The following CNTNAP2 variants were observed in gnomAD, a reference collection of about 807,000 sequenced individuals.
CNTNAP2 encodes contactin-associated protein-like 2.
In CNTNAP2, 98 loss-of-function variants were observed where a neutral mutation model predicts 155.2. That is an observed-to-expected ratio of 0.63 (90% CI 0.54 to 0.75). The LOEUF is 0.75. Among genes scored for constraint, CNTNAP2 ranks in the 30% least tolerant of loss-of-function variants. The pLI is 0.00. For missense variants in CNTNAP2, 1,727 were observed against 1,688.1 expected (o/e 1.02, Z -0.40); for synonymous variants, 651 against 631.2 (o/e 1.03, Z -0.47).
intron 8 of CNTNAP2, among the ~76,000 whole-genome samples, chr7:147,262,250 G>T (rs765926642): frequency 6.6e-6 from 1 of 152,136 alleles, no homozygotes; most frequent in African/African-American, 2.4e-5. Flanking sequence ...ACTTGAATGC[G>T]GAAAGACAGA....
chr7:147,075,830 G>A (rs1477155111), intron 4 of CNTNAP2, among the ~76,000 whole-genome samples: 4 of 151,864 alleles, frequency 2.6e-5, no homozygotes, highest in Non-Finnish European at 5.9e-5. Flanking sequence ...CCCACCCTGT[G>A]TCCAAATATT....
At chr7:148,112,125 T>C (rs1437215030) in intron 15 of CNTNAP2, among the ~76,000 whole-genome samples, 1 of 152,172 alleles carries the variant, frequency 6.6e-6, no homozygotes, top group African/African-American at 2.4e-5. Context: ...TGGCCTGATG[T>C]GTGCAATGTT....
chr7:146,143,601 T>C (rs1048593412), intron 1 of CNTNAP2, among the ~76,000 whole-genome samples: 3 of 152,158 alleles, frequency 2.0e-5, no homozygotes, highest in African/African-American at 4.8e-5. Context: ...TCCTGTGGTA[T>C]TGAAATACTA....
intron 12 of CNTNAP2, among the ~76,000 whole-genome samples, chr7:147,594,519 G>T (rs925718371): frequency 6.6e-6 from 1 of 152,152 alleles, no homozygotes; most frequent in Admixed American, 6.5e-5. Context: ...CAGATATAAA[G>T]ATTTCTAAGT....
At chr7:147,547,155 A>C (rs1799751559) in intron 11 of CNTNAP2, among the ~76,000 whole-genome samples, 1 of 152,202 alleles carries the variant, frequency 6.6e-6, no homozygotes, top group Admixed American at 6.5e-5. Flanking sequence ...TCTGTCATAA[A>C]GTCATCTTCA....
Position 147,685,385 on chromosome 7 carries a change from A to G in CNTNAP2, c.2098+46079A>G, listed in dbSNP as rs151170942. Among the ~76,000 whole-genome samples the G allele has an allele frequency of 3.9e-3, 587 of 152,090 alleles. 1 individual carries two copies. Among genetic ancestry groups the G allele is most frequent in the Non-Finnish European group, 6.2e-3 (422 of 67,924 alleles). On this transcript the variant is annotated intron_variant, in intron 13 of 23. Coordinates refer to ENST00000361727, the MANE Select transcript of CNTNAP2 (RefSeq NM_014141.6). The stretch of plus-strand genomic sequence containing the variant: ...AGGGTTTCCAAGAGAAACAAGATGG[A>G]CTTGACTTCTCTTGGAAATATAACT...
intron 3 of CNTNAP2, among the ~76,000 whole-genome samples, chr7:147,025,784 C>A (rs1005223924): frequency 4.0e-5 from 6 of 151,586 alleles, no homozygotes; most frequent in Non-Finnish European, 7.4e-5. Context: ...TGTGTGTATA[C>A]ATTACACGTA....
At chr7:148,406,179 C>G (rs191408265) in intron 22 of CNTNAP2, among the ~76,000 whole-genome samples, 130 of 152,082 alleles carry the variant, frequency 8.5e-4, no homozygotes, top group African/African-American at 3.0e-3. Flanking sequence ...TTGCAGTGAG[C>G]TGAGATCGCG....
intron 4 of CNTNAP2, among the ~76,000 whole-genome samples, chr7:147,064,092 TTAAGTATAGCACTTCA>T (rs200099940): frequency 0.026 from 3,918 of 152,276 alleles, 87 homozygotes; most frequent in Non-Finnish European, 0.034. Flanking sequence ...CTAGTGGTTT[TTAAGTATAGCACTTCA>T]TAAGCCTTTT....
intron 1 of CNTNAP2, among the ~76,000 whole-genome samples, chr7:146,436,320 T>C (rs1796242979): frequency 1.3e-5 from 2 of 152,216 alleles, no homozygotes; most frequent in South Asian, 2.1e-4. Flanking sequence ...TATGCTCTTA[T>C]GTTCTTGCTA....
chr7:146,645,750 A>G (rs1309461522), intron 1 of CNTNAP2, among the ~76,000 whole-genome samples: 1 of 151,916 alleles, frequency 6.6e-6, no homozygotes, highest in Non-Finnish European at 1.5e-5. Flanking sequence ...CTGTGGAGTC[A>G]GGTCTCAACT....
At chr7:147,799,509 T>C (rs1797953623) in intron 13 of CNTNAP2, among the ~76,000 whole-genome samples, 1 of 152,174 alleles carries the variant, frequency 6.6e-6, no homozygotes, top group Non-Finnish European at 1.5e-5. Context: ...AGCTATTTGT[T>C]ATGTCTACAA....
intron 3 of CNTNAP2, among the ~76,000 whole-genome samples, chr7:147,022,077 C>T (rs1346183118): frequency 6.6e-6 from 1 of 151,984 alleles, no homozygotes; most frequent in East Asian, 1.9e-4. Context: ...GTCCTGTAGA[C>T]CCTATCTAGA....
chr7:146,660,530 T>G (rs1245860135), intron 1 of CNTNAP2, among the ~76,000 whole-genome samples: 1 of 152,236 alleles, frequency 6.6e-6, no homozygotes, highest in African/African-American at 2.4e-5. Context: ...GTAATGTGTA[T>G]AACAGCTATC....
At position 147,639,304 on chromosome 7, in the gene CNTNAP2, C is replaced by A. The variant is rs764412489; in HGVS notation, c.2096C>A (p.Pro699Gln). 2.0e-5 allele frequency: 32 copies of A among 1,613,604 alleles called. No homozygotes were observed. The Admixed American group carries it at 5.2e-4, about 26-fold the overall frequency. The change falls in exon 13 of 24, where the codon CCA (proline) becomes CAA (glutamine). Residue 699 changes from proline (P) to glutamine (Q), a missense_variant and splice_region_variant. Transcript: ENST00000361727. ...FCKMSRLLNTPDGSPYTWWVG... is the reference protein window; with the variant it reads ...FCKMSRLLNTQDGSPYTWWVG... Reference sequence around the variant, plus strand: ...AAGATGTCAAGATTGTTGAACACCCCAGGTAGGCTGAGAATGGAATGTTAC... The same window carrying A: ...AAGATGTCAAGATTGTTGAACACCCAAGGTAGGCTGAGAATGGAATGTTAC...
chr7:146,995,067 A>C (rs1038145173), intron 3 of CNTNAP2, among the ~76,000 whole-genome samples: 1 of 152,050 alleles, frequency 6.6e-6, no homozygotes, highest in Non-Finnish European at 1.5e-5. Context: ...TTGATTCTAC[A>C]TATGAGTGAG....
intron 1 of CNTNAP2, among the ~76,000 whole-genome samples, chr7:146,616,790 C>A (rs192835901): frequency 6.6e-6 from 1 of 152,160 alleles, no homozygotes; most frequent in Non-Finnish European, 1.5e-5. Context: ...TGTAGCATTC[C>A]TTTTCTGTAT....
At chr7:147,826,801 A>G (rs927649794) in intron 13 of CNTNAP2, among the ~76,000 whole-genome samples, 1 of 152,220 alleles carries the variant, frequency 6.6e-6, no homozygotes, top group Non-Finnish European at 1.5e-5. Context: ...ACAAAAGTGG[A>G]CAGAATTTCC....
intron 15 of CNTNAP2, among the ~76,000 whole-genome samples, chr7:148,004,202 A>T (rs953008684): frequency 6.6e-6 from 1 of 152,188 alleles, no homozygotes; most frequent in Non-Finnish European, 1.5e-5. Flanking sequence ...TTAAACCATG[A>T]TAAAGAAAAT....
Sources: gnomAD v4.1 joint callset for allele counts (sites outside exome capture counted in the v4.1 genomes callset) on GRCh38, gnomAD v4.1.1 for gene constraint, MANE v1.5 for transcripts, NCBI Gene and HGNC (gene_info 2026-07-23, HGNC 2026-07-21) for gene names.